Variants in ZNF69 observed in about 807,000 individuals in gnomAD.
The protein encoded by ZNF69 is zinc finger protein 69, also known as ZNF3.
A neutral mutation model predicts 50.9 loss-of-function variants in ZNF69; 47 were observed. The ratio of observed to expected loss-of-function variants is 0.92; its 90% confidence interval spans 0.73 to 1.18. The LOEUF (loss-of-function observed/expected upper bound fraction) is 1.18. Among genes scored for constraint, ZNF69 ranks in the 50% most tolerant of loss-of-function variants. The pLI, the probability that ZNF69 is intolerant of heterozygous loss-of-function variation, is 0.00. For missense variants in ZNF69, 717 were observed against 675.1 expected (o/e 1.06, Z -0.69); for synonymous variants, 216 against 223.1 (o/e 0.97, Z 0.29).
downstream of ZNF69, among the ~76,000 whole-genome samples, chr19:11,918,745 A>G (rs924869072): frequency 6.6e-6 from 1 of 151,358 alleles, no homozygotes; most frequent in Non-Finnish European, 1.5e-5. Flanking sequence ...ATGATCCACC[A>G]TGCTCAGCAA....
At chr19:11,897,699 C>T (rs1972155640) in intron 1 of ZNF69, among the ~76,000 whole-genome samples, 1 of 151,328 alleles carries the variant, frequency 6.6e-6, no homozygotes, top group Admixed American at 6.6e-5. Flanking sequence ...GGTGAATCCC[C>T]GCCTCTACTA....
the ZNF69 span, chr19:11,948,525 A>G: frequency 1.2e-6 from 2 of 1,611,604 alleles, no homozygotes; most frequent in Non-Finnish European, 1.7e-6. Context: ...ATAAGTGTCA[A>G]CAACCTAAAA....
At chr19:11,939,490 C>T in the ZNF69 span, among the ~76,000 whole-genome samples, 7 of 152,272 alleles carry the variant, frequency 4.6e-5, no homozygotes, top group South Asian at 1.0e-3. Flanking sequence ...GGAATCGTTT[C>T]CCCATTTGTT....
chr19:11,918,977 C>G (rs558100469), downstream of ZNF69, among the ~76,000 whole-genome samples: 3 of 151,648 alleles, frequency 2.0e-5, no homozygotes, highest in South Asian at 2.1e-4. Flanking sequence ...CTCACTGCAA[C>G]CTCCGCCTCC....
chr19:11,897,512 CTGCAGTGAGCTATGAT>C (rs978252987), intron 1 of ZNF69, among the ~76,000 whole-genome samples: 23 of 148,982 alleles, frequency 1.5e-4, no homozygotes, highest in African/African-American at 5.0e-4. Context: ...GAGTTCGAGG[CTGCAGTGAGCTATGAT>C]TGCACCGCTA....
the ZNF69 span, among the ~76,000 whole-genome samples, chr19:11,928,682 A>C: frequency 7.0e-6 from 1 of 142,652 alleles, no homozygotes; most frequent in Non-Finnish European, 1.5e-5. Flanking sequence ...CAGTGAGCCG[A>C]GATCCCGCCA....
the ZNF69 span, among the ~76,000 whole-genome samples, chr19:11,969,754 A>G: frequency 6.6e-6 from 1 of 152,190 alleles, no homozygotes; most frequent in African/African-American, 2.4e-5. Context: ...AACATTTCAC[A>G]TGAGAGGAAA....
chr19:11,969,652 A>G, the ZNF69 span, among the ~76,000 whole-genome samples: 4 of 151,908 alleles, frequency 2.6e-5, no homozygotes, highest in East Asian at 1.9e-4. Flanking sequence ...TTCCCCTTAC[A>G]TTTTCCAAAT....
At chr19:11,971,744 T>C in the ZNF69 span, among the ~76,000 whole-genome samples, 1 of 152,170 alleles carries the variant, frequency 6.6e-6, no homozygotes, top group East Asian at 1.9e-4. Context: ...CTGAGACTTT[T>C]TTGGGCTTCA....
the ZNF69 span, among the ~76,000 whole-genome samples, chr19:11,957,355 A>G: frequency 6.6e-6 from 1 of 151,776 alleles, no homozygotes; most frequent in Non-Finnish European, 1.5e-5. Flanking sequence ...CGGCCTCCCA[A>G]AGTGCTGGGA....
the ZNF69 span, chr19:11,926,735 T>C: frequency 6.5e-6 from 1 of 154,304 alleles, no homozygotes; most frequent in East Asian, 1.9e-4. Flanking sequence ...GGTAAGCTTT[T>C]ATAAGTTACG....
the ZNF69 span, among the ~76,000 whole-genome samples, chr19:11,943,444 G>A: frequency 6.6e-6 from 1 of 152,190 alleles, no homozygotes; most frequent in Non-Finnish European, 1.5e-5. Context: ...TTCTAAGATA[G>A]CTTGTAACCA....
At chr19:11,895,973 A>G (rs1414154886) in intron 1 of ZNF69, among the ~76,000 whole-genome samples, 1 of 152,122 alleles carries the variant, frequency 6.6e-6, no homozygotes. Context: ...TAATCCCAGC[A>G]CTTTGGGAGG....
At chr19:11,913,389 T>C in intron 4 of ZNF69, 1 of 603,822 alleles carries the variant, frequency 1.7e-6, no homozygotes, top group Non-Finnish European at 2.9e-6. Context: ...CTAATTTTTC[T>C]TATCTTTTTT....
At chr19:11,927,826 A>G in the ZNF69 span, among the ~76,000 whole-genome samples, 1 of 152,158 alleles carries the variant, frequency 6.6e-6, no homozygotes, top group Non-Finnish European at 1.5e-5. Flanking sequence ...TTTTGTGATC[A>G]TGGGTTGTGA....
At chr19:11,979,675 A>C in the ZNF69 span, 1 of 1,601,492 alleles carries the variant, frequency 6.2e-7, no homozygotes, top group Non-Finnish European at 8.5e-7. Flanking sequence ...CAATCCTTCA[A>C]ATGCATGCTG....
the ZNF69 span, among the ~76,000 whole-genome samples, chr19:11,938,310 G>A: frequency 3.3e-5 from 5 of 152,080 alleles, no homozygotes; most frequent in Admixed American, 2.6e-4. Flanking sequence ...ATGTATACAT[G>A]TGACATGTTG....
At chr19:11,963,763 C>T in the ZNF69 span, among the ~76,000 whole-genome samples, 2 of 152,124 alleles carry the variant, frequency 1.3e-5, no homozygotes, top group African/African-American at 2.4e-5. Flanking sequence ...TCCCGGGCTC[C>T]GGGCCCTAGA....
At chr19:11,888,047 C>G (rs1976989422) in intron 1 of ZNF69, 61 bp downstream of exon 1, 2 of 1,536,134 alleles carry the variant, frequency 1.3e-6, no homozygotes. Flanking sequence ...CGACCGGAAC[C>G]GACTGTGGCG....
Sources: allele counts gnomAD v4.1 joint callset (sites outside exome capture counted in the v4.1 genomes callset), GRCh38; gene constraint gnomAD v4.1.1; transcripts MANE v1.5; gene names NCBI Gene and HGNC (gene_info 2026-07-23, HGNC 2026-07-21).